ITPR1: variants seen among roughly 807,000 people sequenced by gnomAD.
The protein encoded by ITPR1 is inositol 1,4,5-trisphosphate receptor type 1.
ITPR1 carries 96 observed loss-of-function variants against 318.4 expected under a neutral mutation model. The observed-to-expected ratio is 0.30, with a 90% CI of 0.26 to 0.36. ITPR1 has a LOEUF of 0.36. Ranked by LOEUF, ITPR1 falls within the 10% of genes least tolerant of loss-of-function variation. The probability of loss-of-function intolerance (pLI) is 1.00; values close to 1 mark genes in which losing one functional copy is unlikely to be tolerated. For synonymous variants in ITPR1, 1,312 were observed against 1,289.9 expected, an observed-to-expected ratio of 1.02 and a Z score of -0.37; for missense variants, 2,440 against 3,460.2, an observed-to-expected ratio of 0.71 and a Z score of 7.40.
rs2043048276 is a variant in ITPR1 at position 4,733,208 on chromosome 3, C to T, written c.5341C>T (p.Pro1781Ser). 6.2e-7 allele frequency: 1 copy of T among 1,613,978 alleles called. No homozygotes were observed. Among genetic ancestry groups the T allele is most frequent in the Admixed American group, 1.7e-5 (1 of 60,014 alleles). ...ACTGTCAGCAGGAGGACCCGGCAAG[C>T]CCGGGGGAGGAGGTACGCTTTGTGG... ...GPLSAGGPGK[P>S]GGGGGGSGSS... is the part of the protein sequence containing the mutation. Residue 1781 changes from proline to serine, a missense_variant, in exon 43 of 62, where the codon CCC (proline) becomes TCC (serine). Physicochemically the swap from Pro to Ser is moderately conservative, Grantham distance 74. Transcript: ENST00000649015.
At chr3:4,695,460 A>T (rs2094542773) in intron 33 of ITPR1, among the ~76,000 whole-genome samples, 1 of 152,226 alleles carries the variant, frequency 6.6e-6, no homozygotes, top group Non-Finnish European at 1.5e-5. Context: ...TACTGCAAGA[A>T]CGATAGAACG....
At chr3:4,811,563 T>C (rs142893380) in intron 56 of ITPR1, 103 bp downstream of exon 56, 10 of 871,894 alleles carry the variant, frequency 1.1e-5, no homozygotes, top group Middle Eastern at 2.5e-4. Context: ...TATCTCCCCA[T>C]TGTATCTCCC....
chr3:4,675,801 C>T (rs931142694), intron 23 of ITPR1, among the ~76,000 whole-genome samples: 1 of 152,142 alleles, frequency 6.6e-6, no homozygotes, highest in Non-Finnish European at 1.5e-5. Context: ...TTATTGTTAA[C>T]TGGTCTTCTG....
chr3:4,646,901 T>C (rs2093470835), intron 10 of ITPR1, among the ~76,000 whole-genome samples: 1 of 152,116 alleles, frequency 6.6e-6, no homozygotes, highest in Non-Finnish European at 1.5e-5. Context: ...CTAGCTTCAA[T>C]TGTTTCATGT....
In ITPR1 at chr3:4,602,890, G is replaced by A. The variant is rs528782675; in HGVS notation, c.164-24873G>A. Among the ~76,000 whole-genome samples, 196 of 151,746 alleles carry A rather than the reference G, an allele frequency of 1.3e-3. 1 individual carries two copies. The highest frequency in any genetic ancestry group is 1.8e-3 in the Non-Finnish European group (122 of 67,866). On this transcript the variant is annotated intron_variant, in intron 4 of 61. Transcript: ENST00000649015. The stretch of plus-strand genomic sequence containing the variant: ...CTATTAATGGGTATAGGATGTTTTT[G>A]TGGGGGATAATGCAAATGTTCTGGA...
chr3:4,641,348 T>C (rs2093333920), intron 6 of ITPR1, among the ~76,000 whole-genome samples: 1 of 152,180 alleles, frequency 6.6e-6, no homozygotes, highest in Non-Finnish European at 1.5e-5. Context: ...CCAAATGAAA[T>C]GACAATCCCC....
chr3:4,665,420 A>G (rs1474815294), intron 17 of ITPR1, 124 bp downstream of exon 17: 12 of 840,390 alleles, frequency 1.4e-5, no homozygotes, highest in East Asian at 8.1e-5. Flanking sequence ...TTCAGTGTTG[A>G]GCTTGCTCTT....
rs140092439 is a variant in ITPR1 at position 4,533,729 on chromosome 3, C to T, written c.163+12635C>T. 4.7e-4 allele frequency among the ~76,000 whole-genome samples: 72 copies of T among 152,266 alleles called. No individual in the cohort carries two copies. The East Asian group carries it at 9.8e-3, about 21-fold the overall frequency. On this transcript the variant is annotated intron_variant, in intron 4 of 61. Transcript: ENST00000649015. The stretch of plus-strand genomic sequence containing the variant: ...AATTTTTTAGATTTTATTGAGTGGG[C>T]CTGGTAACCAGCTATGACAGAGCTT...
At chr3:4,566,029 A>C (rs2087214172) in intron 4 of ITPR1, among the ~76,000 whole-genome samples, 1 of 152,196 alleles carries the variant, frequency 6.6e-6, no homozygotes, top group Non-Finnish European at 1.5e-5. Flanking sequence ...CGTCTTGCTC[A>C]TTGATTTTCC....
chr3:4,517,404 G>A (rs1266671301), intron 3 of ITPR1, among the ~76,000 whole-genome samples: 1 of 152,138 alleles, frequency 6.6e-6, no homozygotes, highest in African/African-American at 2.4e-5. Context: ...TTGGGGGAAG[G>A]AAGACCAGCA....
chr3:4,573,563 C>T (rs191479122), intron 4 of ITPR1, among the ~76,000 whole-genome samples: 14 of 152,316 alleles, frequency 9.2e-5, no homozygotes, highest in African/African-American at 3.4e-4. Context: ...GGATAAAATT[C>T]AAAGTTGTTT....
In ITPR1 at chr3:4,608,189, C is replaced by G. The variant is rs964035316; in HGVS notation, c.164-19574C>G. 4.7e-4 allele frequency among the ~76,000 whole-genome samples: 71 copies of G among 152,156 alleles called. 1 individual carries two copies. The highest frequency in any genetic ancestry group is 2.4e-4 in the Non-Finnish European group (16 of 68,022). ...TACATTTTGCAAAAGCAGTTTTACC[C>G]TGGCAATTATGATTTACTCCGAAGT... On this transcript the variant is annotated intron_variant, in intron 4 of 61. Coordinates refer to ENST00000649015, the MANE Select transcript of ITPR1 (RefSeq NM_001378452.1).
At position 4,670,871 on chromosome 3, in the gene ITPR1, G is replaced by T; in HGVS notation, c.2149G>T (p.Ala717Ser). ...EIRSKSVREL[A>S]QDAKEGQKED... ...TCGCAGCAAGAGTGTGAGGGAATTG[G>T]CTCAGGATGCTAAAGAAGGGCAGAA... Residue 717 changes from alanine (A) to serine (S), a missense_variant, in exon 20 of 62, where the codon GCT (alanine) becomes TCT (serine). Physicochemically the swap from Ala to Ser is moderately conservative, Grantham distance 99. Coordinates refer to ENST00000649015, the MANE Select transcript of ITPR1 (RefSeq NM_001378452.1). The T allele has an allele frequency of 1.2e-6, 2 of 1,607,604 alleles. No individual in the cohort carries two copies. Among genetic ancestry groups the T allele is most frequent in the Non-Finnish European group, 1.7e-6 (2 of 1,176,370 alleles).
chr3:4,587,276 T>TG (rs1049998336), intron 4 of ITPR1, among the ~76,000 whole-genome samples: 1 of 149,750 alleles, frequency 6.7e-6, no homozygotes, highest in African/African-American at 2.5e-5. Flanking sequence ...TCATGGTTTT[T>TG]TTTTTTTTTT....
At chr3:4,712,243 C>T (rs539053958) in intron 39 of ITPR1, among the ~76,000 whole-genome samples, 2 of 152,290 alleles carry the variant, frequency 1.3e-5, no homozygotes, top group South Asian at 4.1e-4. Context: ...GTTTACTTGC[C>T]TCGTTCAGAT....
At chr3:4,621,027 G>T (rs62231565) in intron 4 of ITPR1, among the ~76,000 whole-genome samples, 13,090 of 151,224 alleles carry the variant, frequency 0.087, 635 homozygotes, top group Middle Eastern at 0.15. Context: ...TGGATGTTTC[G>T]TATGCATCTC....
rs2045982011 is a variant in ITPR1, at chr3:4,768,768, A to C, written c.5979+4A>C. The C allele has an allele frequency of 6.2e-7, 1 of 1,606,648 alleles. No homozygotes were observed. The highest frequency in any genetic ancestry group is 8.5e-7 in the Non-Finnish European group (1 of 1,174,560). Reference sequence around the variant, plus strand: ...AAACCACAACCGAGACCTGCAGGTGAGGGCCTGGGGGTGGGGGCGTGGAGG... The same window carrying C: ...AAACCACAACCGAGACCTGCAGGTGCGGGCCTGGGGGTGGGGGCGTGGAGG... On this transcript the variant is annotated splice_donor_region_variant and intron_variant, in intron 46 of 61. Coordinates refer to ENST00000649015, the MANE Select transcript of ITPR1 (RefSeq NM_001378452.1).
intron 61 of ITPR1, among the ~76,000 whole-genome samples, chr3:4,838,735 C>T (rs1432266977): frequency 1.3e-5 from 2 of 152,218 alleles, no homozygotes; most frequent in African/African-American, 4.8e-5. Context: ...TCACTCATTT[C>T]TGCTTCTCAT....
At chr3:4,759,983 A>T (rs1388953387) in intron 44 of ITPR1, among the ~76,000 whole-genome samples, 15 of 152,202 alleles carry the variant, frequency 9.9e-5, no homozygotes. Flanking sequence ...CAGATCTGTC[A>T]TCAGGGATGT....
Sources: gnomAD v4.1 joint callset for allele counts (sites outside exome capture counted in the v4.1 genomes callset) on GRCh38, gnomAD v4.1.1 for gene constraint, MANE v1.5 for transcripts, NCBI Gene and HGNC (gene_info 2026-07-23, HGNC 2026-07-21) for gene names.